Variants in UBE3A observed in about 807,000 individuals in gnomAD.
UBE3A encodes the protein ubiquitin protein ligase E3A, also known as ubiquitin-protein ligase E3A.
In UBE3A, 6 loss-of-function variants were observed where a neutral mutation model predicts 83.4. The observed-to-expected ratio is 0.07, with a 90% CI of 0.04 to 0.14. UBE3A has a LOEUF of 0.14. Ranked by LOEUF, UBE3A falls within the 10% of genes least tolerant of loss-of-function variation. UBE3A has a pLI of 1.00. For missense variants in UBE3A, 456 were observed against 1,036.1 expected (o/e 0.44, Z 7.69); for synonymous variants, 337 against 355.4 (o/e 0.95, Z 0.58).
chr15:25,389,240 T>A (rs1276670143), intron 4 of UBE3A, among the ~76,000 whole-genome samples: 1 of 126,078 alleles, frequency 7.9e-6, no homozygotes, highest in African/African-American at 3.0e-5. Flanking sequence ...TAAACAGTGG[T>A]AATAACTGAA....
At chr15:25,363,425 G>C (rs1039300134) in intron 6 of UBE3A, among the ~76,000 whole-genome samples, 3 of 152,098 alleles carry the variant, frequency 2.0e-5, no homozygotes, top group Middle Eastern at 3.2e-3. Context: ...CATGAATACA[G>C]CAACAATAAT....
At chr15:25,353,948 A>T in intron 11 of UBE3A, 1 of 242,550 alleles carries the variant, frequency 4.1e-6, no homozygotes, top group Non-Finnish European at 8.1e-6. Flanking sequence ...AATTAAATAA[A>T]AGACTACCAT....
chr15:25,417,308 T>C (rs1567145006), intron 1 of UBE3A, among the ~76,000 whole-genome samples: 2 of 152,038 alleles, frequency 1.3e-5, no homozygotes, highest in Non-Finnish European at 2.9e-5. Context: ...CCTGAAGGGA[T>C]AAAACTGACC....
At chr15:25,431,788 T>C (rs886963319) in intron 1 of UBE3A, among the ~76,000 whole-genome samples, 7 of 152,192 alleles carry the variant, frequency 4.6e-5, no homozygotes, top group African/African-American at 1.4e-4. Flanking sequence ...GCACAAAAGA[T>C]TTTTTCAATT....
intron 4 of UBE3A, among the ~76,000 whole-genome samples, chr15:25,388,049 C>A (rs1003927553): frequency 6.6e-6 from 1 of 152,198 alleles, no homozygotes; most frequent in Admixed American, 6.5e-5. Flanking sequence ...GAAGAAACCA[C>A]ACCAGTTCTC....
intron 6 of UBE3A, among the ~76,000 whole-genome samples, chr15:25,369,922 T>C (rs1595792808): frequency 6.6e-6 from 1 of 152,106 alleles, no homozygotes; most frequent in African/African-American, 2.4e-5. Flanking sequence ...GCACCACTAA[T>C]CCCCAGATTT....
At chr15:25,340,310 A>G (rs2152516264) in intron 11 of UBE3A, 82 bp from the exon 12 acceptor site, 1 of 1,487,918 alleles carries the variant, frequency 6.7e-7, no homozygotes, top group South Asian at 1.1e-5. Flanking sequence ...TTTGCATTAA[A>G]ACTATATTAA....
At position 25,398,816 on chromosome 15, in the gene UBE3A, A is replaced by ATATATATATATATATATATAT. The variant is rs1567069211; in HGVS notation, c.62+6644_62+6645insATATATATATATATATATATA. 3.2e-4 allele frequency among the ~76,000 whole-genome samples: 13 copies of ATATATATATATATATATATAT among 40,830 alleles called. 1 individual carries two copies. The highest frequency in any genetic ancestry group is 2.5e-3 in the South Asian group (2 of 788). 26.8% of individuals were successfully genotyped at this position (40,830 alleles called of 152,430 possible). A position where few individuals can be genotyped will look rare whatever the true frequency, so the allele number is the denominator to read the frequency against. ...ATATATATATATATATATATATATA[A>ATATATATATATATATATATAT]AAATACATATATATCCAAGTGTGAC... On this transcript the variant is annotated intron_variant, in intron 4 of 12. Coordinates refer to ENST00000648336, the MANE Select transcript of UBE3A (RefSeq NM_130839.5).
At chr15:25,349,683 A>T (rs1453929222) in intron 11 of UBE3A, among the ~76,000 whole-genome samples, 1 of 152,178 alleles carries the variant, frequency 6.6e-6, no homozygotes, top group Admixed American at 6.5e-5. Flanking sequence ...ACCTCAACAT[A>T]TGATTTTTAA....
In UBE3A at chr15:25,438,693, C is replaced by G. The variant is rs986627937; in HGVS notation, c.-369G>C. 1.3e-5 allele frequency: 2 copies of G among 152,594 alleles called. No individual in the cohort carries two copies. Among genetic ancestry groups the G allele is most frequent in the African/African-American group, 4.8e-5 (2 of 41,466 alleles). 9.5% of individuals were successfully genotyped at this position (152,594 alleles called of 1,614,324 possible). A position where few individuals can be genotyped will look rare whatever the true frequency, so the allele number is the denominator to read the frequency against. On this transcript the variant is annotated 5_prime_UTR_variant, in exon 1 of 13. Transcript: ENST00000648336. ...CGAAATCCCGGCGTTCGTCGCCAGCCGCCGCTGCCTGTCCACACCGGGGGG... is the reference window on the plus strand; with the variant it reads ...CGAAATCCCGGCGTTCGTCGCCAGCGGCCGCTGCCTGTCCACACCGGGGGG...
At chr15:25,377,473 T>G (rs1176132587) in intron 4 of UBE3A, among the ~76,000 whole-genome samples, 1 of 152,182 alleles carries the variant, frequency 6.6e-6, no homozygotes, top group African/African-American at 2.4e-5. Flanking sequence ...ATCACAGATT[T>G]AGCACTATGC....
At chr15:25,391,246 A>G (rs943087827) in intron 4 of UBE3A, among the ~76,000 whole-genome samples, 1 of 152,232 alleles carries the variant, frequency 6.6e-6, no homozygotes, top group Non-Finnish European at 1.5e-5. Flanking sequence ...CCAGTCAACA[A>G]AAGACAAATA....
chr15:25,406,615 T>G (rs1396054591), intron 3 of UBE3A, among the ~76,000 whole-genome samples: 1 of 151,918 alleles, frequency 6.6e-6, no homozygotes, highest in East Asian at 1.9e-4. Context: ...CATTACAAAG[T>G]CCTGATTTGT....
intron 1 of UBE3A, among the ~76,000 whole-genome samples, chr15:25,436,227 G>C (rs994443884): frequency 5.9e-5 from 9 of 152,184 alleles, no homozygotes; most frequent in Admixed American, 5.2e-4. Context: ...ACTTCATCCA[G>C]TATTTTACCG....
rs750480224 is a variant in UBE3A at position 25,339,105 on chromosome 15, C to CTTTTT, written c.*27_*31dup. Reference sequence around the variant, plus strand: ...TAAATTTTTTCTTTTTTTTTCCTTCCTTTTTTTTGTTTTATTTTGTTTTGT... The same window carrying CTTTTT: ...TAAATTTTTTCTTTTTTTTTCCTTCCTTTTTTTTTTTTTGTTTTATTTTGTTTTGT... On this transcript the variant is annotated 3_prime_UTR_variant, in exon 13 of 13. Transcript: ENST00000648336. 7 of 1,440,356 alleles carry CTTTTT rather than the reference C, an allele frequency of 4.9e-6. No individual in the cohort carries two copies. The highest frequency in any genetic ancestry group is 2.8e-5 in the Admixed American group (1 of 35,988). 89.2% of individuals were successfully genotyped at this position (1,440,356 alleles called of 1,614,324 possible). A position where few individuals can be genotyped will look rare whatever the true frequency, so the allele number is the denominator to read the frequency against.
intron 6 of UBE3A, among the ~76,000 whole-genome samples, chr15:25,366,400 T>C (rs1243131668): frequency 1.3e-5 from 2 of 152,196 alleles, no homozygotes; most frequent in African/African-American, 4.8e-5. Flanking sequence ...CTGAAAATGC[T>C]GGAAGCTGGG....
At chr15:25,395,372 G>A (rs1257692872) in intron 4 of UBE3A, among the ~76,000 whole-genome samples, 1 of 152,118 alleles carries the variant, frequency 6.6e-6, no homozygotes, top group Non-Finnish European at 1.5e-5. Context: ...AGACTCCTGG[G>A]AAACAATTTC....
At chr15:25,398,771 T>TTATTTATATATA (rs1393685515) in intron 4 of UBE3A, among the ~76,000 whole-genome samples, 18 of 68,904 alleles carry the variant, frequency 2.6e-4, no homozygotes, top group South Asian at 6.2e-4. Context: ...ATTCTTTTAT[T>TTATTTATATATA]TATATATATA....
intron 8 of UBE3A, among the ~76,000 whole-genome samples, chr15:25,356,487 C>G (rs528279127): frequency 5.3e-5 from 8 of 152,272 alleles, no homozygotes; most frequent in African/African-American, 1.9e-4. Context: ...ACAAAAGCTT[C>G]GTGCTGACAG....
Sources: gnomAD v4.1 joint callset for allele counts (sites outside exome capture counted in the v4.1 genomes callset) on GRCh38, gnomAD v4.1.1 for gene constraint, MANE v1.5 for transcripts, NCBI Gene and HGNC (gene_info 2026-07-23, HGNC 2026-07-21) for gene names.